RBFOX1: variants seen among roughly 807,000 people sequenced by gnomAD.
RBFOX1 encodes the protein RNA binding protein fox-1 homolog 1.
Under a neutral mutation model 57.7 loss-of-function variants are expected in RBFOX1, and 8 were observed. The ratio of observed to expected loss-of-function variants is 0.14; its 90% confidence interval spans 0.08 to 0.25. The LOEUF (loss-of-function observed/expected upper bound fraction) is 0.25. Among genes scored for constraint, RBFOX1 ranks in the 10% least tolerant of loss-of-function variants. RBFOX1 has a pLI of 1.00. For missense variants in RBFOX1, 611 were observed against 548.5 expected, an observed-to-expected ratio of 1.11 and a Z score of -1.14; for synonymous variants, 326 against 222.4, an observed-to-expected ratio of 1.47 and a Z score of -4.15.
intron 4 of RBFOX1, among the ~76,000 whole-genome samples, chr16:7,398,846 A>T (rs1310903760): frequency 1.3e-5 from 2 of 152,168 alleles, no homozygotes; most frequent in Non-Finnish European, 2.9e-5. Flanking sequence ...TTAAAATGTA[A>T]TCCTTGTACT....
At chr16:5,773,619 T>G (rs2054049588) in intron 3 of RBFOX1, among the ~76,000 whole-genome samples, 3 of 152,362 alleles carry the variant, frequency 2.0e-5, no homozygotes, top group South Asian at 4.1e-4. Flanking sequence ...GCAATATCTA[T>G]TTTTATGCAC....
intron 14 of RBFOX1, among the ~76,000 whole-genome samples, chr16:7,701,649 G>C (rs898905566): frequency 2.2e-4 from 33 of 152,180 alleles, no homozygotes; most frequent in African/African-American, 7.2e-4. Flanking sequence ...TCAGTATCTT[G>C]AGAAGCTTTG....
At chr16:6,914,918 A>G (rs1226007528) in intron 3 of RBFOX1, among the ~76,000 whole-genome samples, 2 of 152,224 alleles carry the variant, frequency 1.3e-5, no homozygotes, top group Admixed American at 6.5e-5. Context: ...GGTTTGAGAC[A>G]GCCCTCACTC....
chr16:7,036,137 G>T (rs903584994), intron 3 of RBFOX1, among the ~76,000 whole-genome samples: 10 of 151,978 alleles, frequency 6.6e-5, no homozygotes, highest in African/African-American at 2.2e-4. Context: ...TGTCCACCTT[G>T]GGTGCCTTCT....
At chr16:6,721,133 GT>G (rs74403865) in intron 3 of RBFOX1, among the ~76,000 whole-genome samples, 7,227 of 152,218 alleles carry the variant, frequency 0.047, 502 homozygotes, top group East Asian at 0.33. Context: ...TTGTGGTAAA[GT>G]ACACGTAACA....
At chr16:6,550,471 G>A (rs951815256) in intron 2 of RBFOX1, among the ~76,000 whole-genome samples, 1 of 151,846 alleles carries the variant, frequency 6.6e-6, no homozygotes, top group African/African-American at 2.4e-5. Context: ...GATTATAGGC[G>A]TCTGCCACCA....
chr16:6,946,505 T>A (rs2079551422), intron 3 of RBFOX1, among the ~76,000 whole-genome samples: 1 of 152,210 alleles, frequency 6.6e-6, no homozygotes, highest in Admixed American at 6.5e-5. Flanking sequence ...CCTCCTTGTT[T>A]TACATCTCCC....
At chr16:5,415,482 A>T (rs897306748) in intron 1 of RBFOX1, among the ~76,000 whole-genome samples, 3 of 152,154 alleles carry the variant, frequency 2.0e-5, no homozygotes, top group African/African-American at 7.2e-5. Context: ...ACGGTGATGG[A>T]GCCTTAGACC....
intron 5 of RBFOX1, among the ~76,000 whole-genome samples, chr16:7,565,551 T>C (rs984896002): frequency 9.8e-5 from 15 of 152,330 alleles, no homozygotes; most frequent in Admixed American, 9.2e-4. Context: ...CCAGCATTAC[T>C]GGCTAAATCA....
At chr16:5,891,956 A>G (rs2151935960) in intron 4 of RBFOX1, among the ~76,000 whole-genome samples, 1 of 152,328 alleles carries the variant, frequency 6.6e-6, no homozygotes, top group African/African-American at 2.4e-5. Context: ...CTCTTGTGGG[A>G]CAAACTCTCA....
chr16:7,218,681 T>TGTGTGTG (rs2092468781), intron 4 of RBFOX1, among the ~76,000 whole-genome samples: 1 of 138,674 alleles, frequency 7.2e-6, no homozygotes, highest in Non-Finnish European at 1.5e-5. Flanking sequence ...TGTGTGTGTG[T>TGTGTGTG]CCTTTTGTTC....
intron 4 of RBFOX1, among the ~76,000 whole-genome samples, chr16:7,415,407 C>G (rs1477706233): frequency 1.3e-5 from 2 of 152,142 alleles, no homozygotes; most frequent in African/African-American, 4.8e-5. Flanking sequence ...AGTTTGTGGT[C>G]ATGATGAACT....
intron 3 of RBFOX1, among the ~76,000 whole-genome samples, chr16:7,037,533 C>G (rs6500902): frequency 0.088 from 13,330 of 152,174 alleles, 964 homozygotes; most frequent in East Asian, 0.32. Context: ...CCACTGTCAA[C>G]TTATGAAAAG....
rs187249643 is a variant in RBFOX1, at chr16:6,218,768, C to T, written c.-126-98227C>T. On this transcript the variant is annotated intron_variant, in intron 1 of 15. Transcript: ENST00000550418. ...ACTTCCACTGGTTCCCGGTCTCCTT[C>T]TTCAGATATTTTATCTGCTAAATCC... 4.2e-3 allele frequency among the ~76,000 whole-genome samples: 646 copies of T among 152,016 alleles called. 2 individuals are homozygous for T. Among genetic ancestry groups the T allele is most frequent in the Non-Finnish European group, 7.0e-3 (478 of 68,006 alleles).
chr16:7,684,102 C>A (rs1276925740), intron 14 of RBFOX1, among the ~76,000 whole-genome samples: 1 of 152,042 alleles, frequency 6.6e-6, no homozygotes, highest in Non-Finnish European at 1.5e-5. Context: ...TCTGTACTTA[C>A]CACAAGTTGA....
At chr16:6,512,582 C>G (rs1002572639) in intron 2 of RBFOX1, among the ~76,000 whole-genome samples, 2 of 152,154 alleles carry the variant, frequency 1.3e-5, no homozygotes, top group African/African-American at 4.8e-5. Flanking sequence ...TCTTCTGCCT[C>G]CAATGGACAC....
chr16:5,390,348 G>A (rs368877035), intron 1 of RBFOX1, among the ~76,000 whole-genome samples: 1 of 149,728 alleles, frequency 6.7e-6, no homozygotes, highest in South Asian at 2.1e-4. Flanking sequence ...GAGTGCAATG[G>A]CATGATTTCA....
intron 3 of RBFOX1, among the ~76,000 whole-genome samples, chr16:5,739,499 G>C (rs1229012587): frequency 6.6e-6 from 1 of 152,234 alleles, no homozygotes; most frequent in African/African-American, 2.4e-5. Context: ...GAAAGCATAA[G>C]AGTACTTGTG....
At chr16:6,519,093 A>G (rs76175647) in intron 2 of RBFOX1, among the ~76,000 whole-genome samples, 2,563 of 151,988 alleles carry the variant, frequency 0.017, 77 homozygotes, top group African/African-American at 0.059. Flanking sequence ...CGTATGCACA[A>G]AGTGGAAAGG....
Sources: gnomAD v4.1 joint callset for allele counts (sites outside exome capture counted in the v4.1 genomes callset) on GRCh38, gnomAD v4.1.1 for gene constraint, MANE v1.5 for transcripts, NCBI Gene and HGNC (gene_info 2026-07-23, HGNC 2026-07-21) for gene names.